The following UBE2E2 variants were observed in gnomAD, a reference collection of about 807,000 sequenced individuals.
UBE2E2 encodes the protein ubiquitin-conjugating enzyme E2 E2.
A neutral mutation model predicts 24.7 loss-of-function variants in UBE2E2; 6 were observed. The ratio of observed to expected loss-of-function variants is 0.24; its 90% CI spans 0.13 to 0.48. The LOEUF (loss-of-function observed/expected upper bound fraction) is 0.48, where lower values mean the gene tolerates loss of function less well. UBE2E2 is among the 20% of genes least tolerant of loss of function. The pLI is 0.99. For missense variants in UBE2E2, 169 were observed against 245.0 expected, an observed-to-expected ratio of 0.69 and a Z score of 2.07; for synonymous variants, 104 against 83.6, an observed-to-expected ratio of 1.24 and a Z score of -1.33.
Position 23,589,821 on chromosome 3 carries a change from A to G in UBE2E2, c.596A>G (p.Tyr199Cys). 1 of 1,614,204 alleles carries G rather than the reference A, an allele frequency of 6.2e-7. No homozygotes were observed. The highest frequency in any genetic ancestry group is 8.5e-7 in the Non-Finnish European group (1 of 1,180,010). Residue 199 changes from tyrosine (Y) to cysteine (C), a missense_variant, in exon 6 of 6, where the codon TAC (tyrosine) becomes TGC (cysteine). Physicochemically the swap from Tyr to Cys is radical, Grantham distance 194 (BLOSUM62 -2). Coordinates refer to ENST00000396703, the MANE Select transcript of UBE2E2 (RefSeq NM_152653.4). The surrounding 1 kb of genome is among the most constrained non-coding windows in gnomAD (Gnocchi z 4.1). Reference protein sequence around the residue: ...DRMARQWTKRYAT With the variant: ...DRMARQWTKRCAT ...ATGGCCAGACAGTGGACCAAGCGGT[A>G]CGCCACATAGGGGCCTGCTGCCTGC...
intron 3 of UBE2E2, among the ~76,000 whole-genome samples, chr3:23,499,014 A>C (rs1033921119): frequency 3.9e-5 from 6 of 152,218 alleles, no homozygotes; most frequent in Non-Finnish European, 7.3e-5. Flanking sequence ...CTGTTCCTCA[A>C]GCACCTTCTA....
intron 3 of UBE2E2, among the ~76,000 whole-genome samples, chr3:23,338,378 G>A (rs1433844227): frequency 6.6e-6 from 1 of 152,112 alleles, no homozygotes; most frequent in African/African-American, 2.4e-5. Flanking sequence ...ATGAACCTTG[G>A]ATTAGAATTT....
At chr3:23,257,175 G>C (rs1271759449) in intron 3 of UBE2E2, among the ~76,000 whole-genome samples, 1 of 152,134 alleles carries the variant, frequency 6.6e-6, no homozygotes, top group Non-Finnish European at 1.5e-5. Context: ...CATCTTTCAG[G>C]AGACTCCAAA....
intron 3 of UBE2E2, among the ~76,000 whole-genome samples, chr3:23,219,654 G>A (rs948251254): frequency 6.6e-6 from 1 of 152,136 alleles, no homozygotes; most frequent in Non-Finnish European, 1.5e-5. Context: ...AATCAGTTAA[G>A]TCATATCTCA....
chr3:23,408,194 T>A (rs1697411766), intron 3 of UBE2E2, among the ~76,000 whole-genome samples: 1 of 152,134 alleles, frequency 6.6e-6, no homozygotes, highest in Non-Finnish European at 1.5e-5. Flanking sequence ...AAGAATAAGT[T>A]CACTTATTTA....
At chr3:23,346,811 T>C (rs1412547908) in intron 3 of UBE2E2, among the ~76,000 whole-genome samples, 1 of 152,224 alleles carries the variant, frequency 6.6e-6, no homozygotes, top group African/African-American at 2.4e-5. Flanking sequence ...TGTGATGTTT[T>C]TGAAAACTTC....
intron 3 of UBE2E2, among the ~76,000 whole-genome samples, chr3:23,346,166 G>T (rs1695549156): frequency 6.6e-6 from 1 of 152,130 alleles, no homozygotes; most frequent in South Asian, 2.1e-4. Flanking sequence ...AATTGTGAAA[G>T]ACAAACTCAG....
chr3:23,416,486 T>A (rs933941404), intron 3 of UBE2E2, among the ~76,000 whole-genome samples: 1 of 152,176 alleles, frequency 6.6e-6, no homozygotes. Context: ...CCTTAACATT[T>A]TTTTCTTCAT....
chr3:23,489,701 AC>A (rs1258358948), intron 3 of UBE2E2, among the ~76,000 whole-genome samples: 3 of 152,182 alleles, frequency 2.0e-5, no homozygotes, highest in Non-Finnish European at 2.9e-5. Context: ...TTGCTCACTC[AC>A]CTGCTGTGTG....
intron 5 of UBE2E2, among the ~76,000 whole-genome samples, chr3:23,588,495 C>G (rs572269403): frequency 1.3e-5 from 2 of 149,654 alleles, no homozygotes; most frequent in African/African-American, 2.5e-5. Flanking sequence ...TAGCTCACTA[C>G]AGACTCAAAC....
chr3:23,355,495 A>G (rs1695917973), intron 3 of UBE2E2, among the ~76,000 whole-genome samples: 1 of 152,222 alleles, frequency 6.6e-6, no homozygotes, highest in South Asian at 2.1e-4. Context: ...CAGCCAAAGC[A>G]AAGTGTTTTA....
At chr3:23,310,301 T>TTTC (rs1694340194) in intron 3 of UBE2E2, among the ~76,000 whole-genome samples, 1 of 3,856 alleles carries the variant, frequency 2.6e-4, no homozygotes, top group African/African-American at 2.6e-3. Context: ...AAGGCATGCC[T>TTTC]TTTTTTTTTT....
At chr3:23,319,143 G>A (rs1232662669) in intron 3 of UBE2E2, among the ~76,000 whole-genome samples, 2 of 152,258 alleles carry the variant, frequency 1.3e-5, no homozygotes, top group South Asian at 2.1e-4. Flanking sequence ...AATTTGTATT[G>A]TAGTTAATCC....
At chr3:23,579,938 G>C (rs1696438220) in intron 5 of UBE2E2, among the ~76,000 whole-genome samples, 1 of 152,146 alleles carries the variant, frequency 6.6e-6, no homozygotes, top group African/African-American at 2.4e-5. Flanking sequence ...AACTTTTATT[G>C]GAGGAAATAA....
intron 3 of UBE2E2, among the ~76,000 whole-genome samples, chr3:23,401,015 A>G (rs533520831): frequency 4.6e-5 from 7 of 152,374 alleles, no homozygotes; most frequent in African/African-American, 1.7e-4. Flanking sequence ...GAATTCTGCT[A>G]AAGAATGACT....
intron 3 of UBE2E2, among the ~76,000 whole-genome samples, chr3:23,255,489 A>G (rs1298876932): frequency 2.0e-5 from 3 of 152,146 alleles, no homozygotes; most frequent in East Asian, 1.9e-4. Flanking sequence ...ACTATTTATT[A>G]ATGATTTGCT....
Position 23,449,389 on chromosome 3 carries a change from C to T in UBE2E2, c.228-50219C>T, listed in dbSNP as rs534817740. Among the ~76,000 whole-genome samples the T allele has an allele frequency of 1.2e-4, 19 of 152,298 alleles. No individual in the cohort carries two copies. In the East Asian group the frequency reaches 3.3e-3, roughly 26 times the overall value. ...TTAGTACCAAATCTCAGAATGTTCA[C>T]AAGAAGTAACTGGATGGAATTTAAA... On this transcript the variant is annotated intron_variant, in intron 3 of 5. Transcript: ENST00000396703.
intron 1 of UBE2E2, chr3:23,204,718 G>A (rs764881999): frequency 6.4e-5 from 63 of 985,226 alleles, no homozygotes; most frequent in Non-Finnish European, 7.2e-5. Flanking sequence ...GTGTTCCACT[G>A]TTATTTTCTG....
chr3:23,540,025 A>G (rs1695353841), intron 5 of UBE2E2, among the ~76,000 whole-genome samples: 1 of 152,002 alleles, frequency 6.6e-6, no homozygotes. Flanking sequence ...ACTCACCTAT[A>G]TTTAGTAAGG....
Sources: allele counts gnomAD v4.1 joint callset (sites outside exome capture counted in the v4.1 genomes callset), GRCh38; gene constraint gnomAD v4.1.1; non-coding constraint Gnocchi (gnomAD v3.1); transcripts MANE v1.5; gene names NCBI Gene and HGNC (gene_info 2026-07-23, HGNC 2026-07-21).